The following DCAF8L2 variants were observed in gnomAD, a reference collection of about 807,000 sequenced individuals.
The protein encoded by DCAF8L2 is DDB1 and CUL4 associated factor 8 like 2, also known as DDB1- and CUL4-associated factor 8-like protein 2.
For missense variants in DCAF8L2, 430 were observed against 490.7 expected, an observed-to-expected ratio of 0.88 and a Z score of 1.17; for synonymous variants, 200 against 190.9, an observed-to-expected ratio of 1.05 and a Z score of -0.39.
the DCAF8L2 span, among the ~76,000 whole-genome samples, chrX:27,559,969 TAAA>T: frequency 9.4e-5 from 10 of 106,524 alleles, no homozygotes; most frequent in Middle Eastern, 4.8e-3. Context: ...CTTTCCACGT[TAAA>T]AAAAAAAAAT....
chrX:27,601,553 A>G, intron 1 of DCAF8L2, among the ~76,000 whole-genome samples: 2 of 111,216 alleles, frequency 1.8e-5, no homozygotes, highest in Middle Eastern at 9.3e-3. Flanking sequence ...TACAGAAGTT[A>G]GCCGAACATG....
the DCAF8L2 span, among the ~76,000 whole-genome samples, chrX:27,471,849 A>C: frequency 8.9e-6 from 1 of 111,945 alleles, no homozygotes; most frequent in Admixed American, 9.5e-5. Context: ...GACTATTATG[A>C]ATGAATGCAT....
At chrX:27,587,976 A>T (rs1400543897), upstream of DCAF8L2, among the ~76,000 whole-genome samples, 1 of 18,419 alleles carries the variant, frequency 5.4e-5, no homozygotes, top group South Asian at 2.8e-3. Context: ...TACTTCCATT[A>T]AAAAAAAAAA....
chrX:27,651,057 T>C (rs113756954), intron 2 of DCAF8L2, among the ~76,000 whole-genome samples: 2,088 of 112,301 alleles, frequency 0.019, 14 homozygotes, highest in Middle Eastern at 0.041. Flanking sequence ...GATGATCATA[T>C]GATTTTTGTT....
intron 3 of DCAF8L2, among the ~76,000 whole-genome samples, chrX:27,713,447 T>G (rs1931595005): frequency 1.8e-5 from 2 of 111,050 alleles, no homozygotes; most frequent in Non-Finnish European, 1.9e-5. Context: ...CTTCAGGAGA[T>G]TCAAGAAAAA....
intron 1 of DCAF8L2, among the ~76,000 whole-genome samples, chrX:27,631,481 C>T (rs183078998): frequency 2.8e-4 from 31 of 112,572 alleles, no homozygotes; most frequent in African/African-American, 9.7e-4. Context: ...TCATTAGCCA[C>T]GTGTGGCTAT....
chrX:27,614,679 C>A (rs768914333), intron 1 of DCAF8L2, among the ~76,000 whole-genome samples: 2 of 111,602 alleles, frequency 1.8e-5, no homozygotes, highest in South Asian at 7.5e-4. Flanking sequence ...TTTCAGAGAA[C>A]ATCTTTATTT....
chrX:27,711,377 ATGTGTGTGTGTGTGTGTGTACGTG>A (rs1269504501), intron 3 of DCAF8L2, among the ~76,000 whole-genome samples: 2 of 96,350 alleles, frequency 2.1e-5, no homozygotes, highest in African/African-American at 8.0e-5. Context: ...CTACATCTAT[ATGTGTGTGTGTGTGTGTGTACGTG>A]TGTGTGTGTG....
chrX:27,549,372 T>C, the DCAF8L2 span, among the ~76,000 whole-genome samples: 1 of 108,220 alleles, frequency 9.2e-6, no homozygotes, highest in South Asian at 3.9e-4. Context: ...TTTAACTAAC[T>C]GCCATTCATA....
At chrX:27,491,206 A>G in the DCAF8L2 span, among the ~76,000 whole-genome samples, 2 of 112,420 alleles carry the variant, frequency 1.8e-5, no homozygotes, top group South Asian at 3.7e-4. Flanking sequence ...TTTATTCTAA[A>G]TCATTTACTC....
chrX:27,670,119 TG>T (rs1437181351), intron 2 of DCAF8L2, among the ~76,000 whole-genome samples: 1 of 96,675 alleles, frequency 1.0e-5, no homozygotes, highest in African/African-American at 3.4e-5. Flanking sequence ...TTTTTTTGTT[TG>T]TTTTTTTTTT....
chrX:27,607,237 C>A lies in DCAF8L2; in HGVS notation c.-342+16797C>A, dbSNP rs752652179. 5.4e-5 allele frequency among the ~76,000 whole-genome samples: 6 copies of A among 112,025 alleles called. No individual in the cohort carries two copies. In the East Asian group the frequency reaches 1.4e-3, roughly 26 times the overall value. ...AGAGGAAGAATTAAACATTTCAGAACACCATACAGCAGAATGGAAAATAAA... is the reference window on the plus strand; with the variant it reads ...AGAGGAAGAATTAAACATTTCAGAAAACCATACAGCAGAATGGAAAATAAA... On this transcript the variant is annotated intron_variant, in intron 1 of 4. Transcript: ENST00000451261.
At chrX:27,746,221 T>TA (rs1922154931) in intron 4 of DCAF8L2, among the ~76,000 whole-genome samples, 1 of 112,217 alleles carries the variant, frequency 8.9e-6, no homozygotes. Context: ...GCAATATATC[T>TA]AATGTAACAT....
intron 3 of DCAF8L2, among the ~76,000 whole-genome samples, chrX:27,690,520 G>C (rs1414698408): frequency 9.0e-6 from 1 of 110,521 alleles, no homozygotes; most frequent in Non-Finnish European, 1.9e-5. Context: ...ACCAGAGTTC[G>C]GCACTCTTGC....
intron 1 of DCAF8L2, among the ~76,000 whole-genome samples, chrX:27,600,902 A>G (rs1421544564): frequency 9.0e-6 from 1 of 111,471 alleles, no homozygotes; most frequent in Non-Finnish European, 1.9e-5. Flanking sequence ...TTTATGAAAT[A>G]TAATGAGTCA....
the DCAF8L2 span, among the ~76,000 whole-genome samples, chrX:27,579,019 C>T: frequency 9.0e-6 from 1 of 111,470 alleles, no homozygotes. Context: ...TGACCTAGAA[C>T]CAGAAATATC....
At chrX:27,738,751 C>A (rs941999374) in intron 4 of DCAF8L2, among the ~76,000 whole-genome samples, 4 of 112,259 alleles carry the variant, frequency 3.6e-5, no homozygotes, top group African/African-American at 1.3e-4. Flanking sequence ...TGGACTAATT[C>A]TCTCATTCTC....
chrX:27,577,476 CATAAT>C, the DCAF8L2 span, among the ~76,000 whole-genome samples: 1 of 111,369 alleles, frequency 9.0e-6, no homozygotes, highest in Non-Finnish European at 1.9e-5. Flanking sequence ...AGGATTACTA[CATAAT>C]ATAATAAAAA....
the DCAF8L2 span, among the ~76,000 whole-genome samples, chrX:27,533,142 GA>G: frequency 4.7e-5 from 1 of 21,290 alleles, no homozygotes; most frequent in African/African-American, 2.3e-4. Context: ...AAGGAAGGAA[GA>G]AAGAGAGAGA....
Sources: allele counts gnomAD v4.1 joint callset (sites outside exome capture counted in the v4.1 genomes callset), GRCh38; gene constraint gnomAD v4.1.1; transcripts MANE v1.5; gene names NCBI Gene and HGNC (gene_info 2026-07-23, HGNC 2026-07-21).